HDAC9: variants seen among roughly 807,000 people sequenced by gnomAD.
The protein encoded by HDAC9 is histone deacetylase 9.
In HDAC9, 41 loss-of-function variants were observed where a neutral mutation model predicts 139.4. That is an observed-to-expected ratio of 0.29 (90% CI 0.23 to 0.38). The LOEUF (loss-of-function observed/expected upper bound fraction) is 0.38, where lower values mean the gene tolerates loss of function less well. Among genes scored for constraint, HDAC9 ranks in the 10% least tolerant of loss-of-function variants. The probability of loss-of-function intolerance (pLI) is 1.00; values close to 1 mark genes in which losing one functional copy is unlikely to be tolerated. For synonymous variants in HDAC9, 517 were observed against 476.2 expected, an observed-to-expected ratio of 1.09 and a Z score of -1.12; for missense variants, 1,147 against 1,297.0, an observed-to-expected ratio of 0.88 and a Z score of 1.78.
intron 1 of HDAC9, among the ~76,000 whole-genome samples, chr7:18,413,390 G>C (rs1347033822): frequency 6.6e-6 from 1 of 152,098 alleles, no homozygotes; most frequent in African/African-American, 2.4e-5. Flanking sequence ...TCTATCTCTG[G>C]ATCCCTAAGG....
At chr7:18,923,766 A>G (rs929524060) in intron 22 of HDAC9, among the ~76,000 whole-genome samples, 2 of 152,116 alleles carry the variant, frequency 1.3e-5, no homozygotes, top group Non-Finnish European at 2.9e-5. Context: ...TAATAAAGGA[A>G]AGACTCCCTT....
intron 25 of HDAC9, among the ~76,000 whole-genome samples, chr7:18,980,039 A>T (rs1386873219): frequency 6.6e-6 from 1 of 152,200 alleles, no homozygotes; most frequent in Non-Finnish European, 1.5e-5. Flanking sequence ...ACAAAGCCTT[A>T]GCTGAAAATT....
intron 12 of HDAC9, among the ~76,000 whole-genome samples, chr7:18,723,735 G>A (rs212662): frequency 0.027 from 4,074 of 152,012 alleles, 179 homozygotes; most frequent in African/African-American, 0.093. Context: ...GAAAGGTAGC[G>A]GGTGGTGTTA....
At chr7:18,430,355 A>T (rs767046495) in intron 1 of HDAC9, 8 of 152,160 alleles carry the variant, frequency 5.3e-5, no homozygotes, top group Non-Finnish European at 1.0e-4. Context: ...TCCTGAGTAG[A>T]TGGGACCACA....
intron 13 of HDAC9, among the ~76,000 whole-genome samples, chr7:18,746,290 G>C (rs948332879): frequency 3.9e-5 from 6 of 151,980 alleles, no homozygotes; most frequent in Non-Finnish European, 8.8e-5. Context: ...TTCTTATATA[G>C]TAGTAACTCA....
At chr7:18,345,146 T>TA (rs1056750080) in intron 1 of HDAC9, among the ~76,000 whole-genome samples, 1 of 151,970 alleles carries the variant, frequency 6.6e-6, no homozygotes, top group African/African-American at 2.4e-5. Context: ...GTATGACAGG[T>TA]AATAATTTAA....
At chr7:18,184,690 T>C (rs1789766822) in intron 2 of HDAC9, among the ~76,000 whole-genome samples, 1 of 152,230 alleles carries the variant, frequency 6.6e-6, no homozygotes, top group African/African-American at 2.4e-5. Context: ...TCAAATGTTC[T>C]ATGCTTGTCT....
At chr7:18,428,235 G>A (rs572755406) in intron 1 of HDAC9, among the ~76,000 whole-genome samples, 15 of 152,076 alleles carry the variant, frequency 9.9e-5, no homozygotes, top group African/African-American at 2.7e-4. Flanking sequence ...AACCTCTACC[G>A]TTTTTCATAG....
intron 13 of HDAC9, among the ~76,000 whole-genome samples, chr7:18,745,977 G>A (rs1787936910): frequency 7.4e-6 from 1 of 136,046 alleles, no homozygotes; most frequent in African/African-American, 2.8e-5. Flanking sequence ...CTGCTGCATT[G>A]GCGTCCTGGG....
chr7:18,918,230 G>A (rs1803383093), intron 22 of HDAC9, among the ~76,000 whole-genome samples: 1 of 151,850 alleles, frequency 6.6e-6, no homozygotes, highest in Non-Finnish European at 1.5e-5. Context: ...AACATTCACT[G>A]ATGAACCATG....
intron 1 of HDAC9, among the ~76,000 whole-genome samples, chr7:18,340,585 A>G (rs575477965): frequency 6.6e-6 from 1 of 151,506 alleles, no homozygotes; most frequent in Non-Finnish European, 1.5e-5. Context: ...TTAAATTGTA[A>G]TCTATCTTCA....
chr7:18,325,019 A>G (rs545167705), intron 1 of HDAC9, among the ~76,000 whole-genome samples: 1 of 152,222 alleles, frequency 6.6e-6, no homozygotes, highest in Non-Finnish European at 1.5e-5. Context: ...CATAGAGCTT[A>G]TTGAATATCT....
intron 2 of HDAC9, among the ~76,000 whole-genome samples, chr7:18,220,706 G>A (rs1792637825): frequency 6.6e-6 from 1 of 152,160 alleles, no homozygotes; most frequent in South Asian, 2.1e-4. Flanking sequence ...TAATTGTCAG[G>A]CAAAAGAGAT....
At chr7:18,504,012 A>G (rs570594244) in intron 2 of HDAC9, among the ~76,000 whole-genome samples, 44 of 152,220 alleles carry the variant, frequency 2.9e-4, no homozygotes, top group Non-Finnish European at 5.1e-4. Flanking sequence ...ATTAAATGAC[A>G]TCATAGCTTG....
intron 24 of HDAC9, among the ~76,000 whole-genome samples, chr7:18,962,546 T>C (rs1282428437): frequency 6.6e-6 from 1 of 152,150 alleles, no homozygotes; most frequent in African/African-American, 2.4e-5. Flanking sequence ...GCAATTTTTT[T>C]TTCACTCACA....
In HDAC9 at chr7:18,878,773, A is replaced by T. The variant is rs576322751; in HGVS notation, c.2803+4177A>T. On this transcript the variant is annotated intron_variant, in intron 22 of 25. Transcript: ENST00000686413. Reference sequence around the variant, plus strand: ...CATAAGACAAAGATGCCTTCTCTCTACCACTCCTATTCAACACACTTTAGA... The same window carrying T: ...CATAAGACAAAGATGCCTTCTCTCTTCCACTCCTATTCAACACACTTTAGA... 7.4e-4 allele frequency among the ~76,000 whole-genome samples: 112 copies of T among 151,620 alleles called. 1 individual carries two copies. Among genetic ancestry groups the T allele is most frequent in the African/African-American group, 2.6e-3 (107 of 40,988 alleles).
At chr7:18,770,921 G>A (rs879861522) in intron 16 of HDAC9, among the ~76,000 whole-genome samples, 5 of 152,134 alleles carry the variant, frequency 3.3e-5, no homozygotes, top group Admixed American at 6.6e-5. Flanking sequence ...ATATAAGTTT[G>A]GGTTTCATGC....
intron 12 of HDAC9, among the ~76,000 whole-genome samples, chr7:18,696,159 T>C (rs1303245737): frequency 6.6e-6 from 1 of 151,938 alleles, no homozygotes; most frequent in East Asian, 1.9e-4. Flanking sequence ...ACTAATAGGA[T>C]ACATTTATAT....
At chr7:18,838,105 T>G (rs1225441800) in intron 21 of HDAC9, among the ~76,000 whole-genome samples, 1 of 152,034 alleles carries the variant, frequency 6.6e-6, no homozygotes, top group Non-Finnish European at 1.5e-5. Context: ...TATTCATCAT[T>G]TATGACCAGA....
Sources: allele counts gnomAD v4.1 joint callset (sites outside exome capture counted in the v4.1 genomes callset), GRCh38; gene constraint gnomAD v4.1.1; transcripts MANE v1.5; gene names NCBI Gene and HGNC (gene_info 2026-07-23, HGNC 2026-07-21).